The following CACNA1B variants were observed in gnomAD, a reference collection of about 807,000 sequenced individuals.
CACNA1B encodes the protein voltage-dependent N-type calcium channel subunit alpha-1B.
A neutral mutation model predicts 247.2 loss-of-function variants in CACNA1B; 70 were observed. The observed-to-expected ratio is 0.28, with a 90% CI of 0.23 to 0.35. The LOEUF (loss-of-function observed/expected upper bound fraction) is 0.35. Among genes scored for constraint, CACNA1B ranks in the 10% least tolerant of loss-of-function variants. The pLI, the probability that CACNA1B is intolerant of heterozygous loss-of-function variation, is 1.00. For missense variants in CACNA1B, 2,367 were observed against 3,197.4 expected (o/e 0.74, Z 6.26); for synonymous variants, 1,231 against 1,294.4 (o/e 0.95, Z 1.05).
intron 20 of CACNA1B, among the ~76,000 whole-genome samples, chr9:138,034,215 A>T (rs1242288221): frequency 1.3e-5 from 2 of 152,166 alleles, no homozygotes; most frequent in Admixed American, 1.3e-4. Context: ...ATTGAGTAAG[A>T]GGAAGAGATT....
intron 21 of CACNA1B, 112 bp downstream of exon 21, chr9:138,044,012 G>A (rs534858936): frequency 5.1e-5 from 71 of 1,387,722 alleles, no homozygotes; most frequent in South Asian, 5.0e-4. Context: ...GTAGAGAAAC[G>A]GCTCTAAATC....
chr9:138,011,491 C>T lies in CACNA1B; in HGVS notation c.2160+1414C>T, dbSNP rs938585541. ...TGACCAAGAGCCGCAAAGTTTATGA[C>T]TCGACCATCCCCTTCCCTTATATTC... On this transcript the variant is annotated intron_variant, in intron 17 of 46. Coordinates refer to ENST00000371372, the MANE Select transcript of CACNA1B (RefSeq NM_000718.4). The surrounding 1 kb of genome is among the most constrained non-coding windows in gnomAD (Gnocchi z 4.2). Among the ~76,000 whole-genome samples, 2 of 152,184 alleles carry T rather than the reference C, an allele frequency of 1.3e-5. No individual in the cohort carries two copies. The highest frequency in any genetic ancestry group is 4.8e-5 in the African/African-American group (2 of 41,454).
At chr9:138,117,910 G>T in intron 42 of CACNA1B, 36 bp from the exon 43 acceptor site, 2 of 1,521,548 alleles carry the variant, frequency 1.3e-6, no homozygotes, top group South Asian at 2.6e-5. Flanking sequence ...TGCAGTCTCT[G>T]ACCCTACAGG....
rs981053244 is a variant in CACNA1B at position 138,011,586 on chromosome 9, T to G, written c.2160+1509T>G. ...AAGCGAGGATAAACTTGAATTTGTT[T>G]TAGACCTTCCAGGGGACTTTAGAAC... On this transcript the variant is annotated intron_variant, in intron 17 of 46. Coordinates refer to ENST00000371372, the MANE Select transcript of CACNA1B (RefSeq NM_000718.4). The surrounding 1 kb of genome is among the most constrained non-coding windows in gnomAD (Gnocchi z 4.2). Among the ~76,000 whole-genome samples the G allele has an allele frequency of 6.6e-6, 1 of 152,166 alleles. No homozygotes were observed. Among genetic ancestry groups the G allele is most frequent in the African/African-American group, 2.4e-5 (1 of 41,444 alleles).
At chr9:138,106,518 C>T (rs1335830660) in intron 39 of CACNA1B, among the ~76,000 whole-genome samples, 1 of 152,210 alleles carries the variant, frequency 6.6e-6, no homozygotes, top group Non-Finnish European at 1.5e-5. Flanking sequence ...GCCTGTAATC[C>T]CAGCACTTTG....
chr9:137,914,669 TCAA>T lies in CACNA1B; in HGVS notation c.639_641del (p.Lys214del). 6.2e-7 allele frequency: 1 copy of T among 1,613,934 alleles called. No homozygotes were observed. Among genetic ancestry groups the T allele is most frequent in the Non-Finnish European group, 8.5e-7 (1 of 1,179,830 alleles). ...CTGGCCCCAGGTTTGCAGGTGGTGC[TCAA>T]GTCCATCATGAAGGCCATGGTTCCA... On this transcript the variant is annotated inframe_deletion, in exon 5 of 47. Transcript: ENST00000371372. This position sits in a 1 kb window ranked among gnomAD's most constrained non-coding sequence, Gnocchi z 4.3.
In CACNA1B at chr9:137,881,040, G is replaced by C. The variant is rs1956910639; in HGVS notation, c.391-1704G>C. ...GGGCAGAGCTGTGAGGAGAGGGCTC[G>C]GGCTGGGGGCTCCTTCCCAGCTGAG... On this transcript the variant is annotated intron_variant, in intron 2 of 46. Coordinates refer to ENST00000371372, the MANE Select transcript of CACNA1B (RefSeq NM_000718.4). The surrounding 1 kb of genome is among the most constrained non-coding windows in gnomAD (Gnocchi z 4.3). 6.6e-6 allele frequency among the ~76,000 whole-genome samples: 1 copy of C among 152,248 alleles called. No homozygotes were observed. The highest frequency in any genetic ancestry group is 1.5e-5 in the Non-Finnish European group (1 of 68,026).
intron 34 of CACNA1B, among the ~76,000 whole-genome samples, chr9:138,075,295 T>A (rs895287918): frequency 1.3e-5 from 2 of 152,246 alleles, no homozygotes; most frequent in Non-Finnish European, 2.9e-5. Context: ...CTGATCTTTG[T>A]GGATGTGTCA....
At chr9:138,028,561 C>T (rs1441708479) in intron 20 of CACNA1B, among the ~76,000 whole-genome samples, 2 of 152,182 alleles carry the variant, frequency 1.3e-5, no homozygotes, top group Non-Finnish European at 2.9e-5. Flanking sequence ...ATACGATTCC[C>T]ATAACTTACT....
In CACNA1B at chr9:137,950,089, T is replaced by G. The variant is rs1564203964; in HGVS notation, c.967-2185T>G. Among the ~76,000 whole-genome samples the G allele has an allele frequency of 6.6e-6, 1 of 152,188 alleles. No homozygotes were observed. Among genetic ancestry groups the G allele is most frequent in the Non-Finnish European group, 1.5e-5 (1 of 68,030 alleles). On this transcript the variant is annotated intron_variant, in intron 6 of 46. Transcript: ENST00000371372. This position sits in a 1 kb window ranked among gnomAD's most constrained non-coding sequence, Gnocchi z 4.8. ...GGAAGGAGGAGGGCTGCTGTCTTGTTGCCGGTGAGTGCAGAAGTCTAGGTT... is the reference window on the plus strand; with the variant it reads ...GGAAGGAGGAGGGCTGCTGTCTTGTGGCCGGTGAGTGCAGAAGTCTAGGTT...
At chr9:138,017,754 C>A (rs1437040074) in intron 18 of CACNA1B, among the ~76,000 whole-genome samples, 1 of 152,244 alleles carries the variant, frequency 6.6e-6, no homozygotes, top group African/African-American at 2.4e-5. Context: ...GACACGGAAA[C>A]TCCAGGGTGG....
At chr9:137,948,663 G>A (rs979017773) in intron 6 of CACNA1B, among the ~76,000 whole-genome samples, 1 of 151,994 alleles carries the variant, frequency 6.6e-6, no homozygotes, top group Non-Finnish European at 1.5e-5. Flanking sequence ...TTTGTGGTGT[G>A]TGTTGTGTCT....
Position 138,073,680 on chromosome 9 carries a change from C to G in CACNA1B, c.4791+76C>G, listed in dbSNP as rs889075089. The G allele has an allele frequency of 1.1e-6, 1 of 876,270 alleles. No individual in the cohort carries two copies. The highest frequency in any genetic ancestry group is 1.6e-5 in the African/African-American group (1 of 60,732). 54.3% of individuals were successfully genotyped at this position (876,270 alleles called of 1,614,324 possible). A position where few individuals can be genotyped will look rare whatever the true frequency, so the allele number is the denominator to read the frequency against. ...CTTCCCCTGCCCCCACCACAGTGGCCCCTCCTTTGGGAGGCTGGGAGAGGG... is the reference window on the plus strand; with the variant it reads ...CTTCCCCTGCCCCCACCACAGTGGCGCCTCCTTTGGGAGGCTGGGAGAGGG... On this transcript the variant is annotated intron_variant, in intron 33 of 46. Coordinates refer to ENST00000371372, the MANE Select transcript of CACNA1B (RefSeq NM_000718.4). The surrounding 1 kb of genome is among the most constrained non-coding windows in gnomAD (Gnocchi z 6.4).
intron 1 of CACNA1B, 45 bp downstream of exon 1, chr9:137,878,262 G>C: frequency 8.6e-7 from 1 of 1,159,202 alleles, no homozygotes; most frequent in Non-Finnish European, 1.1e-6. Context: ...GGGGACCGGG[G>C]TGGGGGCCGG....
intron 10 of CACNA1B, among the ~76,000 whole-genome samples, chr9:137,968,017 A>G (rs1276768729): frequency 6.6e-6 from 1 of 152,108 alleles, no homozygotes; most frequent in Non-Finnish European, 1.5e-5. Context: ...GTGGTTTCCG[A>G]AGAGAATTTT....
chr9:138,074,929 G>A (rs1188967163), intron 34 of CACNA1B, among the ~76,000 whole-genome samples: 4 of 152,334 alleles, frequency 2.6e-5, no homozygotes, highest in Non-Finnish European at 4.4e-5. Context: ...GGAGCGCATC[G>A]GATCCTTGCG....
chr9:137,915,696 C>T (rs1312660316), intron 5 of CACNA1B, among the ~76,000 whole-genome samples: 1 of 151,990 alleles, frequency 6.6e-6, no homozygotes, highest in African/African-American at 2.4e-5. Context: ...AGATTTCCTG[C>T]AAATACCATA....
In CACNA1B at chr9:138,072,586, G is replaced by T. The variant is rs1295194303; in HGVS notation, c.4675-902G>T. 1.3e-5 allele frequency among the ~76,000 whole-genome samples: 2 copies of T among 152,234 alleles called. No homozygotes were observed. Among genetic ancestry groups the T allele is most frequent in the Non-Finnish European group, 2.9e-5 (2 of 68,042 alleles). On this transcript the variant is annotated intron_variant, in intron 32 of 46. Coordinates refer to ENST00000371372, the MANE Select transcript of CACNA1B (RefSeq NM_000718.4). The surrounding 1 kb of genome is among the most constrained non-coding windows in gnomAD (Gnocchi z 4.5). ...GGAAGCTGCTCTCAGGCTGTGTGTG[G>T]GCACCTGACCTCTAGGTAGACAGAG... is the stretch of plus-strand genomic sequence containing the variant.
rs568478853 is a variant in CACNA1B at position 138,014,294 on chromosome 9, T to C, written c.2267+1059T>C. Among the ~76,000 whole-genome samples, 1 of 152,286 alleles carries C rather than the reference T, an allele frequency of 6.6e-6. No individual in the cohort carries two copies. The highest frequency in any genetic ancestry group is 2.1e-4 in the South Asian group (1 of 4,828). ...CATGTGCTGAGTGTGTGCACCCCCA[T>C]ACCAGCCCTGATCCTGCCTGGAGGG... On this transcript the variant is annotated intron_variant, in intron 18 of 46. Transcript: ENST00000371372. The surrounding 1 kb of genome is among the most constrained non-coding windows in gnomAD (Gnocchi z 6.2).
Sources: allele counts gnomAD v4.1 joint callset (sites outside exome capture counted in the v4.1 genomes callset), GRCh38; gene constraint gnomAD v4.1.1; non-coding constraint Gnocchi (gnomAD v3.1); transcripts MANE v1.5; gene names NCBI Gene and HGNC (gene_info 2026-07-23, HGNC 2026-07-21).